SCNN1D: variants seen among roughly 807,000 people sequenced by gnomAD.
The protein encoded by SCNN1D is epithelial sodium channel subunit delta.
SCNN1D carries 104 observed loss-of-function variants against 87.8 expected under a neutral mutation model. The ratio of observed to expected loss-of-function variants is 1.18; its 90% confidence interval spans 1.01 to 1.39. The LOEUF (loss-of-function observed/expected upper bound fraction) is 1.39. SCNN1D is among the 40% of genes most tolerant of loss of function. The pLI is 0.00. For missense variants in SCNN1D, 1,324 were observed against 1,093.9 expected (o/e 1.21, Z -2.97); for synonymous variants, 628 against 481.2 (o/e 1.31, Z -3.99).
intron 6 of SCNN1D, 54 bp downstream of exon 6, chr1:1,285,718 C>T: frequency 7.2e-7 from 1 of 1,397,256 alleles, no homozygotes; most frequent in South Asian, 1.4e-5. Context: ...AGCCCAAACT[C>T]AAACTCAGCT....
chr1:1,281,809 G>C, intron 3 of SCNN1D, 199 bp downstream of exon 3: 1 of 605,508 alleles, frequency 1.7e-6, no homozygotes. Flanking sequence ...GCTGCCCTTT[G>C]GCTGGACCGG....
In SCNN1D at chr1:1,286,997, T is replaced by C. The variant is rs768909634; in HGVS notation, c.1119+22T>C. ...ACTGGTGAGTGTCCCAGCCGGGGCC[T>C]GCAGCCATCAGGGCCTTGAGCTGGG... is the stretch of plus-strand genomic sequence containing the variant. On this transcript the variant is annotated intron_variant, in intron 8 of 17. Coordinates refer to ENST00000379116, the MANE Select transcript of SCNN1D (RefSeq NM_001130413.4). 1.9e-6 allele frequency: 3 copies of C among 1,605,406 alleles called. No individual in the cohort carries two copies. The African/African-American group carries it at 4.0e-5, about 21-fold the overall frequency.
chr1:1,283,321 C>T lies in SCNN1D; in HGVS notation c.352-657C>T, dbSNP rs886502554. On this transcript the variant is annotated intron_variant, in intron 4 of 17. Transcript: ENST00000379116. ...GGATCTGGGAGCTGAGGTCCCCACC[C>T]AGTGTCTGTCAGCCAGGGAAGGGAG... Among the ~76,000 whole-genome samples the T allele has an allele frequency of 2.6e-5, 4 of 152,302 alleles. No homozygotes were observed. The South Asian group carries it at 6.2e-4, about 24-fold the overall frequency.
In SCNN1D at chr1:1,282,283, C is replaced by T; in HGVS notation, c.319C>T (p.Pro107Ser). ...CATGGCTTTCCTCTCCAGGACGTCA[C>T]CGGTGGCAGCTGCTTCCTTCCAGAG... ...SSMAFLSRTS[P>S]VAAASFQSRQ... Residue 107 changes from proline to serine, a missense_variant, in exon 4 of 18, where the codon CCG (proline) becomes TCG (serine). Transcript: ENST00000379116. 6.5e-7 allele frequency: 1 copy of T among 1,550,080 alleles called. No homozygotes were observed. The highest frequency in any genetic ancestry group is 1.7e-4 in the Middle Eastern group (1 of 5,984).
At chr1:1,280,808 G>T in intron 1 of SCNN1D, 142 bp downstream of exon 1, 1 of 631,670 alleles carries the variant, frequency 1.6e-6, no homozygotes, top group Non-Finnish European at 2.9e-6. Flanking sequence ...CTAGAAGGCA[G>T]CCCACACGCA....
Position 1,281,467 on chromosome 1 carries a change from C to T in SCNN1D, c.134C>T (p.Ser45Leu), listed in dbSNP as rs929900320. ...HRTPTCRELG[S>L]PHPTPCTGPA... ...ACCCCCACATGCCGGGAGCTGGGTT[C>T]GCCCCACCCCACCCCCTGCACCGGG... The change falls in exon 3 of 18, where the codon TCG becomes TTG. Residue 45 changes from serine to leucine, a missense_variant. Physicochemically the swap from Ser to Leu is moderately radical, Grantham distance 145 (BLOSUM62 -2). Coordinates refer to ENST00000379116, the MANE Select transcript of SCNN1D (RefSeq NM_001130413.4). The T allele has an allele frequency of 9.2e-6, 14 of 1,520,996 alleles. No homozygotes were observed. Among genetic ancestry groups the T allele is most frequent in the Admixed American group, 8.0e-5 (4 of 49,848 alleles). 94.2% of individuals were successfully genotyped at this position (1,520,996 alleles called of 1,614,324 possible).
chr1:1,287,759 C>T lies in SCNN1D; in HGVS notation c.1486C>T (p.Arg496Cys), dbSNP rs575543343. 8.4e-5 allele frequency: 134 copies of T among 1,601,900 alleles called. No individual in the cohort carries two copies. Among genetic ancestry groups the T allele is most frequent in the Admixed American group, 3.4e-4 (20 of 58,594 alleles). Residue 496 changes from arginine to cysteine, a missense_variant, in exon 11 of 18, where the codon CGT becomes TGT. By Grantham distance (180) the Arg-to-Cys change is radical. Transcript: ENST00000379116. ...LAGIRVMVHG[R>C]NHTPFLGHHS... ...CGGCATCAGGGTCATGGTTCACGGC[C>T]GTAACCACACGCCCTTCCTGGGGCA...
At chr1:1,290,810 G>A in intron 15 of SCNN1D, 85 bp from the exon 16 acceptor site, 1 of 1,581,846 alleles carries the variant, frequency 6.3e-7, no homozygotes, top group South Asian at 1.1e-5. Flanking sequence ...ATGCCCCGTG[G>A]TCTCTGCCCC....
chr1:1,286,758 T>C lies in SCNN1D; in HGVS notation c.912-10T>C. ...GCCGGCAACTCTGACTCCAGGGCCC[T>C]GCGTCCCAGGCCGAGTCCGGTCCTC... On this transcript the variant is annotated splice_polypyrimidine_tract_variant and intron_variant, in intron 7 of 17. Coordinates refer to ENST00000379116, the MANE Select transcript of SCNN1D (RefSeq NM_001130413.4). 6.2e-7 allele frequency: 1 copy of C among 1,611,584 alleles called. No homozygotes were observed.
At chr1:1,288,302 T>TCC (rs1640670369) in intron 12 of SCNN1D, among the ~76,000 whole-genome samples, 1 of 79,284 alleles carries the variant, frequency 1.3e-5, no homozygotes. Context: ...GTCCCGTGTC[T>TCC]GCTCCGTCCC....
At chr1:1,281,358 G>A in intron 2 of SCNN1D, 53 bp from the exon 3 acceptor site, 2 of 1,533,968 alleles carry the variant, frequency 1.3e-6, no homozygotes, top group Non-Finnish European at 1.7e-6. Flanking sequence ...AGAGAGCAGA[G>A]GCATGGGCCC....
Position 1,287,812 on chromosome 1 carries a change from G to T in SCNN1D, c.1539G>T (p.Thr513=). ...ACAGCTTCAGCGTCCGGCCAGGGAC[G>T]GAGGCCACCATCAGCATCCGAGAGG... ...GHHSFSVRPG[T]EATISIREDE... Residue 513 remains threonine, a synonymous_variant, in exon 11 of 18, where the codon ACG becomes ACT. Transcript: ENST00000379116. The T allele has an allele frequency of 6.4e-7, 1 of 1,568,994 alleles. No individual in the cohort carries two copies. The highest frequency in any genetic ancestry group is 1.4e-5 in the African/African-American group (1 of 73,880).
chr1:1,286,112 A>T lies in SCNN1D; in HGVS notation c.745A>T (p.Thr249Ser). 1 of 1,610,586 alleles carries T rather than the reference A, an allele frequency of 6.2e-7. No individual in the cohort carries two copies. Among genetic ancestry groups the T allele is most frequent in the Non-Finnish European group, 8.5e-7 (1 of 1,179,336 alleles). The change falls in exon 7 of 18, where the codon ACG becomes TCG. Residue 249 changes from threonine to serine, a missense_variant. By Grantham distance (58) the Thr-to-Ser change is moderately conservative. Coordinates refer to ENST00000379116, the MANE Select transcript of SCNN1D (RefSeq NM_001130413.4). The part of the protein sequence containing the change: ...LVCSRGNRLK[T>S]TSWGLLSLGA... The stretch of plus-strand genomic sequence containing the variant: ...CTGCTCCCGCGGGAACCGCCTCAAG[A>T]CGACGTCCTGGGGGCTGCTGTCCCT...
chr1:1,285,136 C>G (rs1382551616), intron 5 of SCNN1D, among the ~76,000 whole-genome samples: 1 of 152,198 alleles, frequency 6.6e-6, no homozygotes, highest in African/African-American at 2.4e-5. Context: ...CCCACACACC[C>G]GAGGGGAGCC....
At chr1:1,288,204 T>TGTGTCTCTGCTCTGTCCC (rs1640653676) in intron 12 of SCNN1D, among the ~76,000 whole-genome samples, 167 bp downstream of exon 12, 4 of 140,086 alleles carry the variant, frequency 2.9e-5, no homozygotes, top group African/African-American at 1.1e-4. Context: ...CTCCATTCCC[T>TGTGTCTCTGCTCTGTCCC]GTGTCTCTGC....
At chr1:1,288,193 G>C (rs563122301) in intron 12 of SCNN1D, among the ~76,000 whole-genome samples, 156 bp downstream of exon 12, 2 of 150,972 alleles carry the variant, frequency 1.3e-5, no homozygotes, top group South Asian at 4.2e-4. Context: ...CCGTGTCCCC[G>C]CTCCATTCCC....
rs1019164702 is a variant in SCNN1D, at chr1:1,291,895, C to T, written c.*285C>T. 2 of 339,594 alleles carry T rather than the reference C, an allele frequency of 5.9e-6. No individual in the cohort carries two copies. Among genetic ancestry groups the T allele is most frequent in the Non-Finnish European group, 1.1e-5 (2 of 185,810 alleles). The allele number at this position is 339,594 out of a possible 1,614,324, so 21.0% of individuals were successfully genotyped here. A position where few individuals can be genotyped will look rare whatever the true frequency, so the allele number is the denominator to read the frequency against. ...GTACCCATGCTCCGTGTGTCTGTGT[C>T]TGCATGTCCACACGTCTGATGCACC... is the stretch of plus-strand genomic sequence containing the variant. On this transcript the variant is annotated 3_prime_UTR_variant, in exon 18 of 18. Transcript: ENST00000379116.
At chr1:1,284,311 G>A (rs1640538497) in intron 5 of SCNN1D, among the ~76,000 whole-genome samples, 1 of 110,756 alleles carries the variant, frequency 9.0e-6, no homozygotes, top group Admixed American at 8.6e-5. Context: ...ATTGGGGTGG[G>A]GGGTAGGGGT....
chr1:1,288,259 G>A (rs902816649), intron 12 of SCNN1D, among the ~76,000 whole-genome samples: 1 of 114,352 alleles, frequency 8.7e-6, no homozygotes, highest in Middle Eastern at 4.2e-3. Flanking sequence ...GCTCCGTCCC[G>A]TGTCTCTGCT....
Sources: gnomAD v4.1 joint callset for allele counts (sites outside exome capture counted in the v4.1 genomes callset) on GRCh38, gnomAD v4.1.1 for gene constraint, MANE v1.5 for transcripts, NCBI Gene and HGNC (gene_info 2026-07-23, HGNC 2026-07-21) for gene names.